FOXP2: variants seen among roughly 807,000 people sequenced by gnomAD.
The protein encoded by FOXP2 is forkhead box protein P2.
Under a neutral mutation model 115.8 loss-of-function variants are expected in FOXP2, and 12 were observed. The observed-to-expected ratio is 0.10, with a 90% CI of 0.07 to 0.17. The LOEUF (loss-of-function observed/expected upper bound fraction) is 0.17. Among genes scored for constraint, FOXP2 ranks in the 10% least tolerant of loss-of-function variants. The pLI, the probability that FOXP2 is intolerant of heterozygous loss-of-function variation, is 1.00. For missense variants in FOXP2, 629 were observed against 843.5 expected, an observed-to-expected ratio of 0.75 and a Z score of 3.15; for synonymous variants, 328 against 297.7, an observed-to-expected ratio of 1.10 and a Z score of -1.05.
chr7:114,132,236 A>G (rs1562974687), intron 1 of FOXP2, among the ~76,000 whole-genome samples: 1 of 152,152 alleles, frequency 6.6e-6, no homozygotes, highest in African/African-American at 2.4e-5. Flanking sequence ...TTTTTAAACA[A>G]CATAATTCTT....
intron 16 of FOXP2, chr7:114,666,200 A>G (rs912312359): frequency 2.6e-5 from 4 of 152,038 alleles, no homozygotes. Flanking sequence ...ACTTATGTTT[A>G]TTTTCCATAG....
intron 2 of FOXP2, among the ~76,000 whole-genome samples, chr7:114,482,733 A>T (rs1015105053): frequency 1.3e-5 from 2 of 151,660 alleles, no homozygotes; most frequent in Admixed American, 6.6e-5. Context: ...ATAAGCTTAA[A>T]TGTCAATTTA....
At chr7:114,318,113 A>C (rs1161140200) in intron 2 of FOXP2, among the ~76,000 whole-genome samples, 1 of 152,204 alleles carries the variant, frequency 6.6e-6, no homozygotes, top group East Asian at 1.9e-4. Flanking sequence ...TCATTAGAAA[A>C]AATTCTAATT....
intron 1 of FOXP2, among the ~76,000 whole-genome samples, chr7:114,227,709 A>T (rs1208994817): frequency 1.3e-5 from 2 of 152,038 alleles, no homozygotes; most frequent in Non-Finnish European, 2.9e-5. Flanking sequence ...TTGAGGTAGT[A>T]TACACCTTAT....
intron 2 of FOXP2, among the ~76,000 whole-genome samples, chr7:114,459,024 T>C (rs1584761266): frequency 6.6e-6 from 1 of 152,128 alleles, no homozygotes; most frequent in Non-Finnish European, 1.5e-5. Context: ...ACCTCCTAGC[T>C]GACTTCTCAG....
intron 1 of FOXP2, among the ~76,000 whole-genome samples, chr7:114,283,298 A>G (rs1286597541): frequency 3.9e-5 from 6 of 152,186 alleles, no homozygotes; most frequent in Admixed American, 3.9e-4. Context: ...ATGTTAGTAT[A>G]ATTTTTCTGT....
chr7:114,171,133 A>G (rs753027736), intron 1 of FOXP2, among the ~76,000 whole-genome samples: 15 of 152,180 alleles, frequency 9.9e-5, no homozygotes, highest in Non-Finnish European at 1.9e-4. Context: ...TAAATGCTAA[A>G]TCTACTCTGT....
chr7:114,284,489 T>C (rs1796417699), intron 1 of FOXP2, among the ~76,000 whole-genome samples: 1 of 152,192 alleles, frequency 6.6e-6, no homozygotes, highest in African/African-American at 2.4e-5. Context: ...TTTATGGCTT[T>C]AGGTTTCTAA....
At chr7:114,477,393 T>C (rs1168983034) in intron 2 of FOXP2, among the ~76,000 whole-genome samples, 3 of 151,874 alleles carry the variant, frequency 2.0e-5, no homozygotes. Flanking sequence ...CCTAAGCAAA[T>C]TAACACAGCA....
chr7:114,378,085 G>A (rs747709386), intron 2 of FOXP2, among the ~76,000 whole-genome samples: 1 of 152,022 alleles, frequency 6.6e-6, no homozygotes, highest in Non-Finnish European at 1.5e-5. Context: ...AATCTTTGTA[G>A]CATTCATCCT....
intron 3 of FOXP2, among the ~76,000 whole-genome samples, chr7:114,554,205 G>A (rs946431882): frequency 1.3e-5 from 2 of 152,048 alleles, no homozygotes; most frequent in African/African-American, 4.8e-5. Flanking sequence ...CAAAACATTA[G>A]ATGTATGGAT....
intron 10 of FOXP2, chr7:114,656,607 G>T: frequency 2.7e-6 from 1 of 371,728 alleles, no homozygotes; most frequent in Non-Finnish European, 5.5e-6. Flanking sequence ...ACGTAACAAA[G>T]AATTCCCTAC....
At chr7:114,477,511 G>C (rs1410482957) in intron 2 of FOXP2, among the ~76,000 whole-genome samples, 1 of 151,860 alleles carries the variant, frequency 6.6e-6, no homozygotes, top group Non-Finnish European at 1.5e-5. Flanking sequence ...GGAGGGAAGT[G>C]GGTGTGGGTT....
chr7:114,207,991 C>A (rs1251712309), intron 1 of FOXP2, among the ~76,000 whole-genome samples: 1 of 152,134 alleles, frequency 6.6e-6, no homozygotes, highest in Non-Finnish European at 1.5e-5. Flanking sequence ...GTGAGAGTCC[C>A]CACACAGAGT....
intron 1 of FOXP2, among the ~76,000 whole-genome samples, chr7:114,234,813 C>T (rs898603327): frequency 6.6e-6 from 1 of 152,092 alleles, no homozygotes; most frequent in Non-Finnish European, 1.5e-5. Context: ...GCTCCTTGAC[C>T]TCTTTTCTCT....
intron 3 of FOXP2, among the ~76,000 whole-genome samples, chr7:114,615,623 A>G (rs1216197130): frequency 1.6e-4 from 25 of 152,270 alleles, no homozygotes; most frequent in Non-Finnish European, 4.4e-5. Flanking sequence ...CCTTCAAATT[A>G]CAGTGTTTCT....
chr7:114,506,952 G>T (rs1383651876), intron 2 of FOXP2, among the ~76,000 whole-genome samples: 1 of 151,620 alleles, frequency 6.6e-6, no homozygotes, highest in Non-Finnish European at 1.5e-5. Flanking sequence ...GTAGAATATT[G>T]AATTATTTTT....
At chr7:114,685,220 T>C (rs1000324457) in intron 16 of FOXP2, among the ~76,000 whole-genome samples, 2 of 152,180 alleles carry the variant, frequency 1.3e-5, no homozygotes, top group Non-Finnish European at 2.9e-5. Flanking sequence ...TAGGACCAAA[T>C]AGTTTATTTA....
At chr7:114,658,894 G>C (rs943734434) in intron 11 of FOXP2, among the ~76,000 whole-genome samples, 6 of 152,128 alleles carry the variant, frequency 3.9e-5, no homozygotes, top group African/African-American at 1.4e-4. Flanking sequence ...TATTAGCCCA[G>C]AGCCCCCTCT....
Sources: gnomAD v4.1 joint callset for allele counts (sites outside exome capture counted in the v4.1 genomes callset) on GRCh38, gnomAD v4.1.1 for gene constraint, MANE v1.5 for transcripts, NCBI Gene and HGNC (gene_info 2026-07-23, HGNC 2026-07-21) for gene names.